Variants in PPM1A observed in about 807,000 individuals in gnomAD.
PPM1A encodes protein phosphatase, Mg2+/Mn2+ dependent 1A.
A neutral mutation model predicts 35.0 loss-of-function variants in PPM1A; 7 were observed. The ratio of observed to expected loss-of-function variants is 0.20; its 90% CI spans 0.11 to 0.38. PPM1A has a LOEUF of 0.38. Among genes scored for constraint, PPM1A ranks in the 10% least tolerant of loss-of-function variants. The pLI is 1.00. For synonymous variants in PPM1A, 153 were observed against 167.3 expected (o/e 0.91, Z 0.66); for missense variants, 239 against 467.8 (o/e 0.51, Z 4.51).
rs1452500103 is a variant in PPM1A, at chr14:60,296,158, T to C, written c.*3676T>C. On this transcript the variant is annotated 3_prime_UTR_variant, in exon 6 of 6. Transcript: ENST00000395076. This position sits in a 1 kb window ranked among gnomAD's most constrained non-coding sequence, Gnocchi z 4.4. Reference sequence around the variant, plus strand: ...TTATCTTAAGTAGAACTCTGTGTTTTTGTAACACACTGCCAGTGTTAATAT... The same window carrying C: ...TTATCTTAAGTAGAACTCTGTGTTTCTGTAACACACTGCCAGTGTTAATAT... 1.3e-5 allele frequency: 2 copies of C among 151,754 alleles called. No individual in the cohort carries two copies. Among genetic ancestry groups the C allele is most frequent in the South Asian group, 2.1e-4 (1 of 4,832 alleles). 9.4% of individuals were successfully genotyped at this position (151,754 alleles called of 1,614,324 possible).
chr14:60,267,045 T>G (rs1284793252), intron 1 of PPM1A, among the ~76,000 whole-genome samples: 2 of 152,200 alleles, frequency 1.3e-5, no homozygotes, highest in East Asian at 1.9e-4. Context: ...TATATGGTTT[T>G]CTATAGTCAA....
upstream of PPM1A, among the ~76,000 whole-genome samples, chr14:60,247,688 T>G (rs143686413): frequency 6.7e-6 from 1 of 149,372 alleles, no homozygotes; most frequent in Non-Finnish European, 1.5e-5. Flanking sequence ...CAAAGTCATG[T>G]TGAGAAAATT....
rs747984456 is a variant in PPM1A, at chr14:60,289,974, C to T, written c.1061+60C>T. ...TCAGTGTATGAAAATGTTAGGTATT[C>T]ATTGATAAAATGTTTGTTTGCCTAA... On this transcript the variant is annotated intron_variant, in intron 4 of 5. Coordinates refer to ENST00000395076, the MANE Select transcript of PPM1A (RefSeq NM_021003.5). This position sits in a 1 kb window ranked among gnomAD's most constrained non-coding sequence, Gnocchi z 4.1. 67 of 1,170,394 alleles carry T rather than the reference C, an allele frequency of 5.7e-5. No homozygotes were observed. Among genetic ancestry groups the T allele is most frequent in the Non-Finnish European group, 7.7e-5 (64 of 835,146 alleles). The allele number at this position is 1,170,394 out of a possible 1,614,324, so 72.5% of individuals were successfully genotyped here.
At chr14:60,274,829 T>C (rs1477483123) in intron 1 of PPM1A, among the ~76,000 whole-genome samples, 1 of 151,618 alleles carries the variant, frequency 6.6e-6, no homozygotes, top group Non-Finnish European at 1.5e-5. Context: ...TTTTATTCAT[T>C]CAATGTCATT....
intron 1 of PPM1A, among the ~76,000 whole-genome samples, chr14:60,261,564 A>G (rs1227126104): frequency 6.6e-6 from 1 of 152,110 alleles, no homozygotes; most frequent in Non-Finnish European, 1.5e-5. Context: ...TGGAACCAGT[A>G]CAGAGTAGGA....
intron 1 of PPM1A, chr14:60,276,874 A>T: frequency 4.6e-6 from 1 of 216,312 alleles, no homozygotes; most frequent in Non-Finnish European, 9.0e-6. Context: ...ACTGAACATT[A>T]ATTAATGACT....
At chr14:60,250,859 G>C (rs1882321172) in intron 1 of PPM1A, among the ~76,000 whole-genome samples, 1 of 152,180 alleles carries the variant, frequency 6.6e-6, no homozygotes, top group South Asian at 2.1e-4. Context: ...TGGGAATTTA[G>C]CATAGCTTGG....
Position 60,289,335 on chromosome 14 carries a change from G to A in PPM1A, c.953-471G>A, listed in dbSNP as rs1301273942. Among the ~76,000 whole-genome samples, 1 of 151,942 alleles carries A rather than the reference G, an allele frequency of 6.6e-6. No homozygotes were observed. Among genetic ancestry groups the A allele is most frequent in the African/African-American group, 2.4e-5 (1 of 41,368 alleles). On this transcript the variant is annotated intron_variant, in intron 3 of 5. Transcript: ENST00000395076. The surrounding 1 kb of genome is among the most constrained non-coding windows in gnomAD (Gnocchi z 4.1). ...TATAAATATATACATAAAAATAATTGAGTTAGTATATAATCTATAAATTCC... is the reference window on the plus strand; with the variant it reads ...TATAAATATATACATAAAAATAATTAAGTTAGTATATAATCTATAAATTCC...
Position 60,249,376 on chromosome 14 carries a change from C to T in PPM1A, c.-322C>T. 5 of 984,460 alleles carry T rather than the reference C, an allele frequency of 5.1e-6. No individual in the cohort carries two copies. Among genetic ancestry groups the T allele is most frequent in the Non-Finnish European group, 6.0e-6 (5 of 829,666 alleles). 61.0% of individuals were successfully genotyped at this position (984,460 alleles called of 1,614,324 possible). The stretch of plus-strand genomic sequence containing the variant: ...TTGGGGAGGGGGGGGTGGGGGGACT[C>T]TAGACAGCTGAGGCGCGAAAGCGAT... On this transcript the variant is annotated 5_prime_UTR_variant, in exon 1 of 6. Coordinates refer to ENST00000395076, the MANE Select transcript of PPM1A (RefSeq NM_021003.5). The surrounding 1 kb of genome is among the most constrained non-coding windows in gnomAD (Gnocchi z 4.5).
chr14:60,251,885 A>G (rs1049806947), intron 1 of PPM1A, among the ~76,000 whole-genome samples: 2 of 152,196 alleles, frequency 1.3e-5, no homozygotes, highest in South Asian at 2.1e-4. Context: ...AGGGTGGTTG[A>G]GACTACAGGT....
At chr14:60,270,708 C>T (rs368664232) in intron 1 of PPM1A, among the ~76,000 whole-genome samples, 4 of 145,818 alleles carry the variant, frequency 2.7e-5, no homozygotes, top group Admixed American at 1.4e-4. Flanking sequence ...TGATTTTTCT[C>T]GATGCTTGTT....
At chr14:60,261,126 A>G (rs1009795251) in intron 1 of PPM1A, among the ~76,000 whole-genome samples, 5 of 152,154 alleles carry the variant, frequency 3.3e-5, no homozygotes, top group African/African-American at 9.7e-5. Context: ...CCTAGAGTCT[A>G]CCTTCTTACT....
chr14:60,286,774 CTATTT>C, intron 3 of PPM1A: 12 of 980,604 alleles, frequency 1.2e-5, no homozygotes, highest in Non-Finnish European at 1.5e-5. Flanking sequence ...TCTAGAGCTA[CTATTT>C]TGTTTTTATT....
intron 1 of PPM1A, among the ~76,000 whole-genome samples, chr14:60,279,668 G>GT (rs2139510695): frequency 1.3e-5 from 2 of 152,262 alleles, no homozygotes; most frequent in Non-Finnish European, 2.9e-5. Flanking sequence ...GGGAGTTCCT[G>GT]TTTCTCCACA....
chr14:60,246,175 T>G, upstream of PPM1A: 1 of 886,366 alleles, frequency 1.1e-6, no homozygotes, highest in South Asian at 1.9e-5. Context: ...AGGGGGTCAT[T>G]TACATTACTG....
chr14:60,277,995 A>G (rs1333559994), intron 1 of PPM1A, among the ~76,000 whole-genome samples: 1 of 152,246 alleles, frequency 6.6e-6, no homozygotes, highest in Non-Finnish European at 1.5e-5. Flanking sequence ...CAGATGACTT[A>G]ACCTCACCGT....
In PPM1A at chr14:60,292,654, T is replaced by C; in HGVS notation, c.*172T>C. The C allele has an allele frequency of 2.4e-6, 1 of 422,830 alleles. No individual in the cohort carries two copies. 26.2% of individuals were successfully genotyped at this position (422,830 alleles called of 1,614,324 possible). ...CAACAGCTAGCCCAGAACTGATTTT[T>C]TTTTTTTTTTTTGTAAATTTGAGAC... On this transcript the variant is annotated 3_prime_UTR_variant, in exon 6 of 6. Transcript: ENST00000395076. This position sits in a 1 kb window ranked among gnomAD's most constrained non-coding sequence, Gnocchi z 4.2.
At chr14:60,277,524 C>G (rs1211467949) in intron 1 of PPM1A, among the ~76,000 whole-genome samples, 1 of 151,836 alleles carries the variant, frequency 6.6e-6, no homozygotes, top group Non-Finnish European at 1.5e-5. Flanking sequence ...AATTTATATA[C>G]TATAATAATA....
At position 60,279,645 on chromosome 14, in the gene PPM1A, A is replaced by G. The variant is rs116204366; in HGVS notation, c.-20-3039A>G. Among the ~76,000 whole-genome samples the G allele has an allele frequency of 8.0e-3, 1,215 of 152,138 alleles. 17 individuals are homozygous for G. The highest frequency in any genetic ancestry group is 0.027 in the African/African-American group (1,117 of 41,390). ...AGTGGTTGAACCAATTTAAACTCCT[A>G]TCGGCACTCTAGGGGAGTTCCTGTT... On this transcript the variant is annotated intron_variant, in intron 1 of 5. Coordinates refer to ENST00000395076, the MANE Select transcript of PPM1A (RefSeq NM_021003.5).
Sources: gnomAD v4.1 joint callset for allele counts (sites outside exome capture counted in the v4.1 genomes callset) on GRCh38, gnomAD v4.1.1 for gene constraint, Gnocchi (gnomAD v3.1) non-coding constraint, MANE v1.5 for transcripts, NCBI Gene and HGNC (gene_info 2026-07-23, HGNC 2026-07-21) for gene names.